KIF3A: variants seen among roughly 807,000 people sequenced by gnomAD.
KIF3A encodes the protein kinesin-like protein KIF3A.
Under a neutral mutation model 92.6 loss-of-function variants are expected in KIF3A, and 27 were observed. That is an observed-to-expected ratio of 0.29 (90% CI 0.21 to 0.40). KIF3A has a LOEUF of 0.40. Ranked by LOEUF, KIF3A falls within the 10% of genes least tolerant of loss-of-function variation. The pLI is 1.00. For missense variants in KIF3A, 581 were observed against 872.6 expected (o/e 0.67, Z 4.21); for synonymous variants, 250 against 275.4 (o/e 0.91, Z 0.92).
chr5:132,704,396 C>G (rs2149896568), intron 11 of KIF3A, among the ~76,000 whole-genome samples: 1 of 151,912 alleles, frequency 6.6e-6, no homozygotes, highest in African/African-American at 2.4e-5. Flanking sequence ...TGCCAAGTGT[C>G]AAATATAAGT....
chr5:132,713,419 T>C (rs1157512212), intron 8 of KIF3A, among the ~76,000 whole-genome samples: 1 of 152,226 alleles, frequency 6.6e-6, no homozygotes, highest in South Asian at 2.1e-4. Context: ...GAACTCTCCA[T>C]ATCATGTTTG....
At chr5:132,718,122 T>C (rs1000067175) in intron 5 of KIF3A, among the ~76,000 whole-genome samples, 3 of 152,208 alleles carry the variant, frequency 2.0e-5, no homozygotes, top group African/African-American at 4.8e-5. Flanking sequence ...GTATTTTATA[T>C]ACATACGTGT....
Position 132,695,144 on chromosome 5 carries a change from G to A in KIF3A, c.*1490C>T, listed in dbSNP as rs1466214197. 1 of 152,180 alleles carries A rather than the reference G, an allele frequency of 6.6e-6. No individual in the cohort carries two copies. Among genetic ancestry groups the A allele is most frequent in the African/African-American group, 2.4e-5 (1 of 41,398 alleles). The allele number at this position is 152,180 out of a possible 1,614,324, so 9.4% of individuals were successfully genotyped here. A position where few individuals can be genotyped will look rare whatever the true frequency, so the allele number is the denominator to read the frequency against. On this transcript the variant is annotated 3_prime_UTR_variant, in exon 19 of 19. Coordinates refer to ENST00000403231, the MANE Select transcript of KIF3A (RefSeq NM_001300791.2). ...GAAAACCACAAAACATATATTAAGT[G>A]GTTTAGGAGTAGCATAACTTTATTT...
At position 132,694,722 on chromosome 5, in the gene KIF3A, T is replaced by A. The variant is rs11242126; in HGVS notation, c.*1912A>T. ...AAAACATTTTATAATTACCAAAATATTCTGATCACACAAAGCTTTTACAAG... is the reference window on the plus strand; with the variant it reads ...AAAACATTTTATAATTACCAAAATAATCTGATCACACAAAGCTTTTACAAG... On this transcript the variant is annotated 3_prime_UTR_variant, in exon 19 of 19. Transcript: ENST00000403231. 0.26 allele frequency: 39,685 copies of A among 152,202 alleles called. 6,737 individuals carry two copies. Among genetic ancestry groups the A allele is most frequent in the East Asian group, 0.74 (3,922 of 5,314 alleles). 9.4% of individuals were successfully genotyped at this position (152,202 alleles called of 1,614,324 possible).
downstream of KIF3A, among the ~76,000 whole-genome samples, chr5:132,690,410 G>A (rs538340082): frequency 2.0e-5 from 3 of 151,800 alleles, no homozygotes; most frequent in Non-Finnish European, 4.4e-5. Flanking sequence ...AGTCATTTGA[G>A]ACACAAAATT....
At chr5:132,730,478 A>C (rs964137973) in intron 2 of KIF3A, among the ~76,000 whole-genome samples, 20 of 145,844 alleles carry the variant, frequency 1.4e-4, no homozygotes, top group African/African-American at 5.2e-4. Context: ...AAAAAAGAAA[A>C]AAAAAAAAAG....
At chr5:132,704,253 A>G (rs1753137650) in intron 11 of KIF3A, among the ~76,000 whole-genome samples, 1 of 151,990 alleles carries the variant, frequency 6.6e-6, no homozygotes, top group Non-Finnish European at 1.5e-5. Context: ...ACAGTTACAT[A>G]CACAGTAATT....
At chr5:132,732,486 T>C (rs1213129346) in intron 2 of KIF3A, among the ~76,000 whole-genome samples, 1 of 152,146 alleles carries the variant, frequency 6.6e-6, no homozygotes, top group Non-Finnish European at 1.5e-5. Context: ...TAAAAAATAA[T>C]GAATTGCTGG....
At position 132,700,663 on chromosome 5, in the gene KIF3A, A is replaced by G. The variant is rs371199615; in HGVS notation, c.1922T>C (p.Ile641Thr). 5.7e-6 allele frequency: 9 copies of G among 1,592,306 alleles called. No homozygotes were observed. Among genetic ancestry groups the G allele is most frequent in the South Asian group, 1.1e-5 (1 of 90,538 alleles). The change falls in exon 16 of 19, where the codon ATA (isoleucine) becomes ACA (threonine). Residue 641 changes from isoleucine to threonine, a missense_variant. Ile to Thr is a moderately conservative substitution (Grantham distance 89). Transcript: ENST00000403231. Reference sequence around the variant, plus strand: ...AATACTCACTAGCTGCCATTCTCCTATGTCTTCATTCCAATGGACATAGTT... The same window carrying G: ...AATACTCACTAGCTGCCATTCTCCTGTGTCTTCATTCCAATGGACATAGTT... ...IENYVHWNED[I>T]GEWQLKCVAY...
In KIF3A at chr5:132,734,488, A is replaced by C. The variant is rs779946828; in HGVS notation, c.7-10T>G. 8 of 1,584,576 alleles carry C rather than the reference A, an allele frequency of 5.0e-6. No homozygotes were observed. In the African/African-American group the frequency reaches 1.1e-4, roughly 22 times the overall value. On this transcript the variant is annotated splice_polypyrimidine_tract_variant and intron_variant, in intron 1 of 18. Coordinates refer to ENST00000403231, the MANE Select transcript of KIF3A (RefSeq NM_001300791.2). The stretch of plus-strand genomic sequence containing the variant: ...TCTCTGATTTATTGATCTGTTGGAG[A>C]TAATATTTACAAATAATGAAAAGAA...
At chr5:132,699,019 T>C in intron 18 of KIF3A, 152 bp downstream of exon 18, 1 of 768,374 alleles carries the variant, frequency 1.3e-6, no homozygotes, top group African/African-American at 1.7e-5. Context: ...ATTACAGGCG[T>C]GAGCCACTGT....
At chr5:132,702,293 C>G in intron 14 of KIF3A, 81 bp from the exon 15 acceptor site, 1 of 1,382,424 alleles carries the variant, frequency 7.2e-7, no homozygotes, top group Non-Finnish European at 1.0e-6. Flanking sequence ...GGATGCTTGT[C>G]TAAGAAACCT....
chr5:132,695,167 T>C lies in KIF3A; in HGVS notation c.*1467A>G, dbSNP rs1309193532. Reference sequence around the variant, plus strand: ...GTGGTTTAGGAGTAGCATAACTTTATTTTTATTTTATTTTTATTTTTTGAG... The same window carrying C: ...GTGGTTTAGGAGTAGCATAACTTTACTTTTATTTTATTTTTATTTTTTGAG... On this transcript the variant is annotated 3_prime_UTR_variant, in exon 19 of 19. Coordinates refer to ENST00000403231, the MANE Select transcript of KIF3A (RefSeq NM_001300791.2). 6.6e-6 allele frequency: 1 copy of C among 152,140 alleles called. No homozygotes were observed. The highest frequency in any genetic ancestry group is 1.5e-5 in the Non-Finnish European group (1 of 68,008). The allele number at this position is 152,140 out of a possible 1,614,324, so 9.4% of individuals were successfully genotyped here.
rs748205217 is a variant in KIF3A, at chr5:132,737,462, G to A, written c.-43C>T. The A allele has an allele frequency of 1.3e-6, 2 of 1,597,898 alleles. No individual in the cohort carries two copies. Among genetic ancestry groups the A allele is most frequent in the Admixed American group, 1.7e-5 (1 of 57,866 alleles). On this transcript the variant is annotated 5_prime_UTR_variant, in exon 1 of 19. Coordinates refer to ENST00000403231, the MANE Select transcript of KIF3A (RefSeq NM_001300791.2). The stretch of plus-strand genomic sequence containing the variant: ...CCCGGCGGACGTCCCCGCCCGGGGT[G>A]CAGCCCAGCGACACCGGGTGCGCAG...
In KIF3A at chr5:132,734,212, G is replaced by C. The variant is rs748916863; in HGVS notation, c.273C>G (p.Gly91=). The C allele has an allele frequency of 3.1e-6, 5 of 1,610,104 alleles. No homozygotes were observed. The highest frequency in any genetic ancestry group is 3.4e-5 in the Admixed American group (2 of 59,528). Residue 91 remains glycine (G), a synonymous_variant, in exon 2 of 19, where the codon GGC becomes GGG. Coordinates refer to ENST00000403231, the MANE Select transcript of KIF3A (RefSeq NM_001300791.2). ...ARPIIDSVLE[G]YNGTIFAYGQ... ...AAGTAAAGATTCACTTACCATTGTAGCCTTCAAGTACAGAATCAATAATAG... is the reference window on the plus strand; with the variant it reads ...AAGTAAAGATTCACTTACCATTGTACCCTTCAAGTACAGAATCAATAATAG...
rs557800661 is a variant in KIF3A, at chr5:132,719,129, C to T, written c.616+1480G>A. On this transcript the variant is annotated intron_variant, in intron 5 of 18. Transcript: ENST00000403231. Reference sequence around the variant, plus strand: ...CTGTTAACAATGCCCTTCAAATAGGCTGCACCAATTTATATTCCATCCTCA... The same window carrying T: ...CTGTTAACAATGCCCTTCAAATAGGTTGCACCAATTTATATTCCATCCTCA... Among the ~76,000 whole-genome samples the T allele has an allele frequency of 6.6e-5, 10 of 152,290 alleles. No individual in the cohort carries two copies. In the Middle Eastern group the frequency reaches 0.01, roughly 155 times the overall value.
chr5:132,695,981 C>T lies in KIF3A; in HGVS notation c.*653G>A, dbSNP rs1752821061. On this transcript the variant is annotated 3_prime_UTR_variant, in exon 19 of 19. Transcript: ENST00000403231. ...TGTATTTGATTTGAACTCAAACTGGCAAAAAAAAGTTAGGAAAGGTTCAGA... is the reference window on the plus strand; with the variant it reads ...TGTATTTGATTTGAACTCAAACTGGTAAAAAAAAGTTAGGAAAGGTTCAGA... The T allele has an allele frequency of 6.6e-6, 1 of 151,690 alleles. No individual in the cohort carries two copies. The highest frequency in any genetic ancestry group is 1.5e-5 in the Non-Finnish European group (1 of 67,866). 9.4% of individuals were successfully genotyped at this position (151,690 alleles called of 1,614,324 possible).
At chr5:132,721,817 T>A (rs139704150) in intron 4 of KIF3A, among the ~76,000 whole-genome samples, 1 of 151,944 alleles carries the variant, frequency 6.6e-6, no homozygotes, top group Non-Finnish European at 1.5e-5. Context: ...GCGGCCACTG[T>A]AGGAGTTTAG....
intron 11 of KIF3A, 104 bp downstream of exon 11, chr5:132,706,347 G>A (rs760149068): frequency 3.5e-5 from 24 of 680,350 alleles, no homozygotes; most frequent in Non-Finnish European, 5.4e-5. Flanking sequence ...ATACTTACCT[G>A]GTAAAAAAAC....
Sources: gnomAD v4.1 joint callset for allele counts (sites outside exome capture counted in the v4.1 genomes callset) on GRCh38, gnomAD v4.1.1 for gene constraint, MANE v1.5 for transcripts, NCBI Gene and HGNC (gene_info 2026-07-23, HGNC 2026-07-21) for gene names.